Variants in SLC25A48 observed in about 807,000 individuals in gnomAD.
SLC25A48 encodes the protein CTC-321K16.1.
A neutral mutation model predicts 32.2 loss-of-function variants in SLC25A48; 29 were observed. The observed-to-expected ratio is 0.90, with a 90% CI of 0.67 to 1.23. The LOEUF (loss-of-function observed/expected upper bound fraction) is 1.23, where lower values mean the gene tolerates loss of function less well. Among genes scored for constraint, SLC25A48 ranks in the 50% most tolerant of loss-of-function variants. The probability of loss-of-function intolerance (pLI) is 0.00; values close to 1 mark genes in which losing one functional copy is unlikely to be tolerated. For missense variants in SLC25A48, 399 were observed against 422.7 expected (o/e 0.94, Z 0.49); for synonymous variants, 164 against 172.3 (o/e 0.95, Z 0.38).
chr5:135,685,944 G>C (rs1336236457), intron 3 of SLC25A48, among the ~76,000 whole-genome samples: 1 of 152,162 alleles, frequency 6.6e-6, no homozygotes, highest in Non-Finnish European at 1.5e-5. Context: ...TGGTGTTCCA[G>C]GCACCACAGC....
At chr5:135,707,348 T>C (rs1449672783) in intron 3 of SLC25A48, among the ~76,000 whole-genome samples, 4 of 152,200 alleles carry the variant, frequency 2.6e-5, no homozygotes, top group African/African-American at 9.6e-5. Context: ...CCAGAGTATC[T>C]GTGGCATTTC....
chr5:135,865,767 G>A (rs1474911664), intron 4 of SLC25A48, among the ~76,000 whole-genome samples: 1 of 152,156 alleles, frequency 6.6e-6, no homozygotes, highest in Non-Finnish European at 1.5e-5. Context: ...CATGGGCTGT[G>A]GGGACCTTTT....
intron 3 of SLC25A48, among the ~76,000 whole-genome samples, chr5:135,643,604 G>T (rs141317673): frequency 1.3e-5 from 2 of 152,124 alleles, no homozygotes; most frequent in African/African-American, 2.4e-5. Flanking sequence ...CTCAGCCTTC[G>T]CAGAGTCAAC....
intron 3 of SLC25A48, among the ~76,000 whole-genome samples, chr5:135,741,069 T>A (rs769850420): frequency 2.0e-5 from 3 of 152,210 alleles, no homozygotes; most frequent in Non-Finnish European, 2.9e-5. Flanking sequence ...GGCCCTATGC[T>A]AAGTGCTTTA....
intron 3 of SLC25A48, among the ~76,000 whole-genome samples, chr5:135,801,495 A>C (rs1034132735): frequency 6.7e-6 from 1 of 148,718 alleles, no homozygotes; most frequent in Non-Finnish European, 1.5e-5. Flanking sequence ...GGGTGTGTAA[A>C]CCCCCTGTGA....
chr5:135,695,761 A>G (rs868018276), intron 3 of SLC25A48, among the ~76,000 whole-genome samples: 1 of 152,122 alleles, frequency 6.6e-6, no homozygotes, highest in Non-Finnish European at 1.5e-5. Flanking sequence ...GATGCTGGCC[A>G]CATGTTTTTG....
chr5:135,868,760 G>A (rs1409376859), intron 4 of SLC25A48, among the ~76,000 whole-genome samples: 1 of 151,998 alleles, frequency 6.6e-6, no homozygotes, highest in African/African-American at 2.4e-5. Flanking sequence ...GGGTCTTGTT[G>A]CCAAAGTCAG....
At chr5:135,720,810 G>A (rs983355458) in intron 3 of SLC25A48, among the ~76,000 whole-genome samples, 6 of 152,072 alleles carry the variant, frequency 3.9e-5, no homozygotes, top group African/African-American at 9.7e-5. Context: ...AGGGAGAAGC[G>A]TGCACTTTGG....
chr5:135,638,899 T>C (rs1324096295), intron 3 of SLC25A48, among the ~76,000 whole-genome samples: 1 of 152,190 alleles, frequency 6.6e-6, no homozygotes, highest in Non-Finnish European at 1.5e-5. Context: ...AGGTATTATG[T>C]TCTCAAAAAA....
At chr5:135,807,754 G>C (rs1358756822) in intron 3 of SLC25A48, among the ~76,000 whole-genome samples, 3 of 118,252 alleles carry the variant, frequency 2.5e-5, no homozygotes, top group African/African-American at 7.7e-5. Flanking sequence ...AAATATCATA[G>C]ATATTTTATT....
chr5:135,706,075 C>A (rs892631303), intron 3 of SLC25A48, among the ~76,000 whole-genome samples: 1 of 152,190 alleles, frequency 6.6e-6, no homozygotes, highest in African/African-American at 2.4e-5. Context: ...TCAAAGAAAG[C>A]CTCTTCTCTG....
chr5:135,772,211 A>G (rs536387466), intron 3 of SLC25A48, among the ~76,000 whole-genome samples: 34 of 151,676 alleles, frequency 2.2e-4, no homozygotes, highest in African/African-American at 7.5e-4. Flanking sequence ...TTTACTCCCA[A>G]TATCGCAGGG....
Position 135,888,096 on chromosome 5 carries a change from C to T in SLC25A48, c.*72C>T. On this transcript the variant is annotated 3_prime_UTR_variant, in exon 8 of 8. Transcript: ENST00000681962. ...ATCTCTGCATGTGAAGCCCTGAGAGCTGCAGATGTTTGGCCTTTGGACCTC... is the reference window on the plus strand; with the variant it reads ...ATCTCTGCATGTGAAGCCCTGAGAGTTGCAGATGTTTGGCCTTTGGACCTC... 1.3e-6 allele frequency: 2 copies of T among 1,551,328 alleles called. No individual in the cohort carries two copies. The highest frequency in any genetic ancestry group is 1.7e-6 in the Non-Finnish European group (2 of 1,146,640).
intron 3 of SLC25A48, among the ~76,000 whole-genome samples, chr5:135,741,420 T>C (rs2127000397): frequency 6.6e-6 from 1 of 152,316 alleles, no homozygotes; most frequent in African/African-American, 2.4e-5. Context: ...GATCATATGT[T>C]GGTACTTAGG....
At chr5:135,720,430 G>A (rs1754924342) in intron 3 of SLC25A48, among the ~76,000 whole-genome samples, 1 of 152,234 alleles carries the variant, frequency 6.6e-6, no homozygotes, top group African/African-American at 2.4e-5. Flanking sequence ...CTCTACTTAG[G>A]TGTCCTTCCA....
intron 3 of SLC25A48, among the ~76,000 whole-genome samples, chr5:135,753,666 T>G (rs1755825084): frequency 6.6e-6 from 1 of 151,880 alleles, no homozygotes; most frequent in African/African-American, 2.4e-5. Context: ...CTCGAGGATA[T>G]TATGCCTAAT....
chr5:135,858,172 G>T (rs60496102), intron 4 of SLC25A48, among the ~76,000 whole-genome samples: 2,065 of 152,310 alleles, frequency 0.014, 39 homozygotes, highest in African/African-American at 0.043. Flanking sequence ...ATGAACATGT[G>T]TTTGTTCTGT....
intron 3 of SLC25A48, among the ~76,000 whole-genome samples, chr5:135,652,009 A>T (rs1753125772): frequency 6.6e-6 from 1 of 152,248 alleles, no homozygotes; most frequent in Non-Finnish European, 1.5e-5. Context: ...AGAGATTAAT[A>T]ATCAGACAAA....
At chr5:135,833,385 T>A (rs1181613072), upstream of SLC25A48, among the ~76,000 whole-genome samples, 2 of 151,610 alleles carry the variant, frequency 1.3e-5, no homozygotes, top group Non-Finnish European at 2.9e-5. Flanking sequence ...TCCAGAGGAG[T>A]GGGTTTTGAG....
Sources: allele counts gnomAD v4.1 joint callset (sites outside exome capture counted in the v4.1 genomes callset), GRCh38; gene constraint gnomAD v4.1.1; transcripts MANE v1.5; gene names NCBI Gene and HGNC (gene_info 2026-07-23, HGNC 2026-07-21).